Variants in SLC25A26 observed in about 807,000 individuals in gnomAD.
SLC25A26 encodes solute carrier family 25 member 26, also known as mitochondrial S-adenosylmethionine carrier protein.
SLC25A26 carries 36 observed loss-of-function variants against 37.8 expected under a neutral mutation model. The ratio of observed to expected loss-of-function variants is 0.95; its 90% CI spans 0.73 to 1.26. The LOEUF (loss-of-function observed/expected upper bound fraction) is 1.26. Among genes scored for constraint, SLC25A26 ranks in the 50% most tolerant of loss-of-function variants. SLC25A26 has a pLI of 0.00. For synonymous variants in SLC25A26, 129 were observed against 122.5 expected, an observed-to-expected ratio of 1.05 and a Z score of -0.35; for missense variants, 390 against 331.1, an observed-to-expected ratio of 1.18 and a Z score of -1.38.
At chr3:66,255,435 G>A (rs2073259578) in intron 3 of SLC25A26, among the ~76,000 whole-genome samples, 1 of 151,190 alleles carries the variant, frequency 6.6e-6, no homozygotes, top group Non-Finnish European at 1.5e-5. Flanking sequence ...TTCATATTTT[G>A]GCATATTTAA....
intron 1 of SLC25A26, among the ~76,000 whole-genome samples, chr3:66,235,471 C>G (rs1211824283): frequency 6.9e-6 from 1 of 145,950 alleles, no homozygotes; most frequent in Non-Finnish European, 1.5e-5. Context: ...TTAAAAAAAT[C>G]AATTTATTCA....
At chr3:66,345,904 A>C (rs2076311172) in intron 5 of SLC25A26, among the ~76,000 whole-genome samples, 1 of 152,230 alleles carries the variant, frequency 6.6e-6, no homozygotes, top group African/African-American at 2.4e-5. Flanking sequence ...TCAAAAACTC[A>C]GAAGATCACC....
At chr3:66,327,524 T>C (rs550339419) in intron 5 of SLC25A26, among the ~76,000 whole-genome samples, 18 of 152,328 alleles carry the variant, frequency 1.2e-4, no homozygotes, top group African/African-American at 4.3e-4. Flanking sequence ...ATGAAACGTG[T>C]ATATAAAATA....
intron 1 of SLC25A26, among the ~76,000 whole-genome samples, chr3:66,186,773 G>C (rs2106777747): frequency 6.6e-6 from 1 of 151,264 alleles, no homozygotes; most frequent in Non-Finnish European, 1.5e-5. Flanking sequence ...ACACTGAACT[G>C]ACACTCAACC....
At chr3:66,263,309 T>G (rs2073602439) in intron 4 of SLC25A26, 23 bp from the exon 5 acceptor site, 2 of 1,602,620 alleles carry the variant, frequency 1.2e-6, no homozygotes. Flanking sequence ...CTTTCTGAAC[T>G]CTCGGCTGTG....
chr3:66,202,189 GA>G (rs1174151853), intron 1 of SLC25A26, among the ~76,000 whole-genome samples: 4 of 152,102 alleles, frequency 2.6e-5, no homozygotes, highest in Non-Finnish European at 4.4e-5. Flanking sequence ...CTATAAAAAA[GA>G]ATGAATTCAT....
chr3:66,374,556 A>G (rs114481779), intron 9 of SLC25A26, among the ~76,000 whole-genome samples: 1 of 152,216 alleles, frequency 6.6e-6, no homozygotes, highest in Non-Finnish European at 1.5e-5. Flanking sequence ...CTAAGTGTTG[A>G]AGTGAAAGGA....
At chr3:66,187,901 G>A (rs1476250817) in intron 1 of SLC25A26, among the ~76,000 whole-genome samples, 2 of 151,836 alleles carry the variant, frequency 1.3e-5, no homozygotes, top group Non-Finnish European at 1.5e-5. Flanking sequence ...CCTGAACATC[G>A]TCATGACGCA....
intron 1 of SLC25A26, among the ~76,000 whole-genome samples, chr3:66,197,214 T>C (rs1367613919): frequency 6.6e-6 from 1 of 152,120 alleles, no homozygotes; most frequent in Non-Finnish European, 1.5e-5. Context: ...AACTCAGATA[T>C]ATATATATAC....
chr3:66,268,919 T>A (rs1456505433), intron 5 of SLC25A26, among the ~76,000 whole-genome samples: 2 of 152,344 alleles, frequency 1.3e-5, no homozygotes, highest in East Asian at 1.9e-4. Flanking sequence ...CTGCCATGAT[T>A]GTAAGTTGCC....
At chr3:66,274,091 G>T (rs528703491) in intron 5 of SLC25A26, among the ~76,000 whole-genome samples, 1,981 of 151,828 alleles carry the variant, frequency 0.013, 52 homozygotes, top group African/African-American at 0.044. Flanking sequence ...TCAGAAATAA[G>T]GCCGCATATC....
chr3:66,167,633 A>G (rs1258356241), intron 1 of SLC25A26, among the ~76,000 whole-genome samples: 2 of 152,244 alleles, frequency 1.3e-5, no homozygotes, highest in African/African-American at 4.8e-5. Context: ...AAGATGCAGT[A>G]ATGTTCTCTG....
intron 3 of SLC25A26, among the ~76,000 whole-genome samples, chr3:66,244,772 A>C (rs1296616354): frequency 1.3e-5 from 2 of 152,060 alleles, no homozygotes; most frequent in Non-Finnish European, 2.9e-5. Context: ...GGAGATCGAG[A>C]GCATCCTGGC....
intron 1 of SLC25A26, among the ~76,000 whole-genome samples, chr3:66,191,402 C>T: frequency 6.6e-6 from 1 of 151,648 alleles, no homozygotes. Flanking sequence ...CACACACAGA[C>T]ACACACGCAC....
intron 5 of SLC25A26, among the ~76,000 whole-genome samples, chr3:66,319,058 A>G (rs983972371): frequency 3.9e-5 from 6 of 152,242 alleles, no homozygotes; most frequent in East Asian, 1.9e-4. Flanking sequence ...GCTTAAGGCT[A>G]TAGAACAAAC....
chr3:66,228,144 C>T (rs2071843013), intron 1 of SLC25A26, among the ~76,000 whole-genome samples: 3 of 152,166 alleles, frequency 2.0e-5, no homozygotes, highest in Admixed American at 2.0e-4. Flanking sequence ...CAAGTATATT[C>T]CAAATTTTGC....
chr3:66,212,399 A>T (rs1033940822), intron 1 of SLC25A26, among the ~76,000 whole-genome samples: 1 of 152,188 alleles, frequency 6.6e-6, no homozygotes, highest in Non-Finnish European at 1.5e-5. Context: ...TACAAATGCA[A>T]GCCAATGTGC....
intron 1 of SLC25A26, among the ~76,000 whole-genome samples, chr3:66,140,979 C>T (rs1180255309): frequency 6.6e-6 from 1 of 151,942 alleles, no homozygotes; most frequent in Non-Finnish European, 1.5e-5. Context: ...CACCAGCTCT[C>T]TGAAATTTCT....
intron 1 of SLC25A26, among the ~76,000 whole-genome samples, chr3:66,178,166 G>C (rs1202304569): frequency 6.6e-6 from 1 of 152,198 alleles, no homozygotes; most frequent in Non-Finnish European, 1.5e-5. Context: ...CCTGCTACTA[G>C]CTGTTGTCCA....
Sources: allele counts gnomAD v4.1 joint callset (sites outside exome capture counted in the v4.1 genomes callset), GRCh38; gene constraint gnomAD v4.1.1; transcripts MANE v1.5; gene names NCBI Gene and HGNC (gene_info 2026-07-23, HGNC 2026-07-21).